Variants in ROBO1 observed in about 807,000 individuals in gnomAD.
The protein encoded by ROBO1 is roundabout homolog 1.
ROBO1 carries 149 observed loss-of-function variants against 195.9 expected under a neutral mutation model. The ratio of observed to expected loss-of-function variants is 0.76; its 90% confidence interval spans 0.67 to 0.87. The LOEUF (loss-of-function observed/expected upper bound fraction) is 0.87. ROBO1 is among the 40% of genes least tolerant of loss of function. The pLI is 0.00. For missense variants in ROBO1, 1,933 were observed against 2,068.3 expected (o/e 0.93, Z 1.27); for synonymous variants, 816 against 733.2 (o/e 1.11, Z -1.82).
At chr3:78,666,723 T>A (rs573147598) in intron 14 of ROBO1, among the ~76,000 whole-genome samples, 1 of 152,172 alleles carries the variant, frequency 6.6e-6, no homozygotes, top group African/African-American at 2.4e-5. Context: ...CTGCAAATTC[T>A]GAAACAAAAA....
At chr3:78,894,718 G>A (rs1024663247) in intron 4 of ROBO1, among the ~76,000 whole-genome samples, 2 of 152,138 alleles carry the variant, frequency 1.3e-5, no homozygotes, top group Non-Finnish European at 1.5e-5. Context: ...ATAAGAATCC[G>A]TGCTGTTCTG....
intron 4 of ROBO1, among the ~76,000 whole-genome samples, chr3:78,898,346 G>GATAT (rs202145557): frequency 2.1e-5 from 3 of 140,636 alleles, no homozygotes; most frequent in East Asian, 2.1e-4. Context: ...GAGAGAGACA[G>GATAT]ATATATATAT....
chr3:79,394,631 A>G (rs1213032363), intron 2 of ROBO1, among the ~76,000 whole-genome samples: 1 of 152,040 alleles, frequency 6.6e-6, no homozygotes, highest in Non-Finnish European at 1.5e-5. Context: ...TCTATTCCAT[A>G]TGCATTTTTT....
At chr3:79,425,841 C>T (rs1174948013) in intron 2 of ROBO1, among the ~76,000 whole-genome samples, 3 of 152,150 alleles carry the variant, frequency 2.0e-5, no homozygotes, top group Non-Finnish European at 4.4e-5. Flanking sequence ...AAATTAGAAA[C>T]ACAAACCTGG....
chr3:78,732,132 A>G (rs2082299703), intron 5 of ROBO1, among the ~76,000 whole-genome samples: 1 of 152,148 alleles, frequency 6.6e-6, no homozygotes, highest in Admixed American at 6.6e-5. Context: ...CTCATTCTAC[A>G]TAGATCCAAA....
chr3:79,572,540 T>C (rs1362384186), intron 2 of ROBO1, among the ~76,000 whole-genome samples: 1 of 152,078 alleles, frequency 6.6e-6, no homozygotes, highest in African/African-American at 2.4e-5. Context: ...GAAACTATGC[T>C]TATCTTTTTT....
At chr3:78,829,019 C>T (rs1219991731) in intron 4 of ROBO1, among the ~76,000 whole-genome samples, 2 of 152,072 alleles carry the variant, frequency 1.3e-5, no homozygotes, top group African/African-American at 4.8e-5. Flanking sequence ...TACAGAGCAC[C>T]GTTAGGCAAA....
rs796983306 is a variant in ROBO1, at chr3:79,284,927, G to GA, written c.89-159389dup. ...TTAGAACAGGTGACAAAATAGCCTG[G>GA]AAAAAAAAAAGTACTATTTAGTCAA... is the stretch of plus-strand genomic sequence containing the variant. On this transcript the variant is annotated intron_variant, in intron 2 of 30. Coordinates refer to ENST00000464233, the MANE Select transcript of ROBO1 (RefSeq NM_002941.4). Among the ~76,000 whole-genome samples the GA allele has an allele frequency of 7.6e-3, 1,123 of 147,306 alleles. 9 individuals are homozygous for GA. The highest frequency in any genetic ancestry group is 9.9e-3 in the African/African-American group (399 of 40,284).
At chr3:79,618,552 C>T (rs540618318) in intron 1 of ROBO1, among the ~76,000 whole-genome samples, 2 of 152,242 alleles carry the variant, frequency 1.3e-5, no homozygotes, top group South Asian at 4.2e-4. Flanking sequence ...CAAGAGAAAA[C>T]CTCCCTTTGA....
chr3:79,066,556 A>T (rs2079005618), intron 3 of ROBO1, among the ~76,000 whole-genome samples: 1 of 151,938 alleles, frequency 6.6e-6, no homozygotes, highest in African/African-American at 2.4e-5. Context: ...GTGACTGATA[A>T]CAAAACTGCC....
At chr3:79,455,206 A>C (rs2039578562) in intron 2 of ROBO1, among the ~76,000 whole-genome samples, 1 of 152,016 alleles carries the variant, frequency 6.6e-6, no homozygotes. Flanking sequence ...ATGACACATT[A>C]GAACACAAAA....
At chr3:79,057,356 T>A (rs1486948866) in intron 3 of ROBO1, among the ~76,000 whole-genome samples, 1 of 152,048 alleles carries the variant, frequency 6.6e-6, no homozygotes, top group Non-Finnish European at 1.5e-5. Flanking sequence ...AGATCATCAA[T>A]CCCCTGTCTG....
At chr3:78,776,423 G>A (rs919013348) in intron 4 of ROBO1, among the ~76,000 whole-genome samples, 1 of 152,098 alleles carries the variant, frequency 6.6e-6, no homozygotes, top group African/African-American at 2.4e-5. Flanking sequence ...AGCTAATTGT[G>A]TAGTTTTAGT....
chr3:78,809,952 C>T (rs926535079), intron 4 of ROBO1, among the ~76,000 whole-genome samples: 21 of 148,434 alleles, frequency 1.4e-4, no homozygotes, highest in African/African-American at 4.5e-4. Flanking sequence ...CAAACCTGCA[C>T]GTTCTGCACA....
intron 1 of ROBO1, among the ~76,000 whole-genome samples, chr3:79,676,260 A>G (rs1033362661): frequency 1.3e-5 from 2 of 152,094 alleles, no homozygotes; most frequent in Admixed American, 6.6e-5. Context: ...CTCACTTTAT[A>G]GAGTTGTTGA....
chr3:78,811,998 G>A (rs1188648832), intron 4 of ROBO1, among the ~76,000 whole-genome samples: 1 of 152,044 alleles, frequency 6.6e-6, no homozygotes, highest in Non-Finnish European at 1.5e-5. Flanking sequence ...ATGTTACGGT[G>A]GAATCGTTTC....
intron 1 of ROBO1, among the ~76,000 whole-genome samples, chr3:79,621,124 G>C (rs867672747): frequency 1.3e-5 from 2 of 151,998 alleles, no homozygotes; most frequent in African/African-American, 2.4e-5. Context: ...CACTTGGACT[G>C]ACCCTGATAC....
intron 2 of ROBO1, among the ~76,000 whole-genome samples, chr3:79,425,100 G>T (rs1389118427): frequency 1.3e-5 from 2 of 152,112 alleles, no homozygotes; most frequent in African/African-American, 4.8e-5. Flanking sequence ...TTCTAGAGGG[G>T]TGGCCTGCAT....
At position 78,842,139 on chromosome 3, in the gene ROBO1, G is replaced by GTT. The variant is rs34583257; in HGVS notation, c.500-95241_500-95240dup. Among the ~76,000 whole-genome samples the GTT allele has an allele frequency of 9.6e-5, 6 of 62,354 alleles. 1 individual carries two copies. Among genetic ancestry groups the GTT allele is most frequent in the East Asian group, 3.7e-4 (1 of 2,730 alleles). The allele number at this position is 62,354 out of a possible 152,430, so 40.9% of individuals were successfully genotyped here. ...ATGGTTCAGAATGAATCGCCAATTTGTTTTTTTTTTTTTTTTGCGCACACA... is the reference window on the plus strand; with the variant it reads ...ATGGTTCAGAATGAATCGCCAATTTGTTTTTTTTTTTTTTTTTTGCGCACACA... On this transcript the variant is annotated intron_variant, in intron 4 of 30. Coordinates refer to ENST00000464233, the MANE Select transcript of ROBO1 (RefSeq NM_002941.4).
Sources: allele counts gnomAD v4.1 joint callset (sites outside exome capture counted in the v4.1 genomes callset), GRCh38; gene constraint gnomAD v4.1.1; transcripts MANE v1.5; gene names NCBI Gene and HGNC (gene_info 2026-07-23, HGNC 2026-07-21).